The following GTPBP4 variants were observed in gnomAD, a reference collection of about 807,000 sequenced individuals.
GTPBP4 encodes the protein GTP binding protein 4.
A neutral mutation model predicts 81.7 loss-of-function variants in GTPBP4; 15 were observed. The ratio of observed to expected loss-of-function variants is 0.18; its 90% CI spans 0.12 to 0.28. The LOEUF (loss-of-function observed/expected upper bound fraction) is 0.28. GTPBP4 is among the 10% of genes least tolerant of loss of function. The pLI, the probability that GTPBP4 is intolerant of heterozygous loss-of-function variation, is 1.00. For missense variants in GTPBP4, 847 were observed against 793.8 expected (o/e 1.07, Z -0.81); for synonymous variants, 272 against 274.6 (o/e 0.99, Z 0.09).
In GTPBP4 at chr10:1,019,827, G is replaced by T; in HGVS notation, c.*2600G>T. 1 of 1,611,306 alleles carries T rather than the reference G, an allele frequency of 6.2e-7. No individual in the cohort carries two copies. Among genetic ancestry groups the T allele is most frequent in the Non-Finnish European group, 8.5e-7 (1 of 1,177,502 alleles). ...GATTGTCATGAACACAATGTCCTCT[G>T]GAGAAATCTATTGACAGAAATTGGT... is the stretch of plus-strand genomic sequence containing the variant. On this transcript the variant is annotated 3_prime_UTR_variant, in exon 17 of 17. Transcript: ENST00000360803.
intron 4 of GTPBP4, chr10:996,941 C>T (rs1431015209): frequency 1.4e-5 from 6 of 429,018 alleles, no homozygotes; most frequent in Non-Finnish European, 2.5e-5. Flanking sequence ...GCTGTTGGCC[C>T]CACCTGTCAC....
At position 997,058 on chromosome 10, in the gene GTPBP4, T is replaced by G. The variant is rs888961370; in HGVS notation, c.461-150T>G. 6.0e-6 allele frequency: 4 copies of G among 661,226 alleles called. No individual in the cohort carries two copies. The Admixed American group carries it at 1.0e-4, about 17-fold the overall frequency. The allele number at this position is 661,226 out of a possible 1,614,324, so 41.0% of individuals were successfully genotyped here. On this transcript the variant is annotated intron_variant, in intron 4 of 16. Coordinates refer to ENST00000360803, the MANE Select transcript of GTPBP4 (RefSeq NM_012341.3). ...ATACTATGTGTATACTATTACTTTCTGCAACTATTTTCTCCATCACTTTTG... is the reference window on the plus strand; with the variant it reads ...ATACTATGTGTATACTATTACTTTCGGCAACTATTTTCTCCATCACTTTTG...
chr10:993,624 G>C (rs936863361), intron 2 of GTPBP4, among the ~76,000 whole-genome samples: 1 of 152,128 alleles, frequency 6.6e-6, no homozygotes, highest in African/African-American at 2.4e-5. Context: ...CACCATGTGT[G>C]GGGTAATGTG....
At chr10:988,558 T>G in intron 1 of GTPBP4, 31 bp downstream of exon 1, 1 of 1,568,734 alleles carries the variant, frequency 6.4e-7, no homozygotes, top group Admixed American at 1.7e-5. Context: ...CACTGCAACT[T>G]TCGCGTTCTC....
At chr10:1,015,553 C>A in intron 15 of GTPBP4, among the ~76,000 whole-genome samples, 200 bp from the exon 16 acceptor site, 1 of 128,564 alleles carries the variant, frequency 7.8e-6, no homozygotes, top group Admixed American at 7.6e-5. Flanking sequence ...AGCGCTGAGC[C>A]TGGGAGCGGG....
intron 15 of GTPBP4, among the ~76,000 whole-genome samples, 168 bp downstream of exon 15, chr10:1,014,480 C>A (rs1831940374): frequency 1.3e-5 from 2 of 151,244 alleles, no homozygotes; most frequent in Admixed American, 1.3e-4. Flanking sequence ...CATGGTGAAA[C>A]CCAGTCTGTA....
At chr10:1,015,951 A>T in intron 16 of GTPBP4, 55 bp downstream of exon 16, 2 of 1,500,196 alleles carry the variant, frequency 1.3e-6, no homozygotes. Context: ...TGTTTATTGC[A>T]CAGGGTTCAG....
chr10:1,019,508 C>T lies in GTPBP4; in HGVS notation c.*2281C>T. The T allele has an allele frequency of 6.2e-7, 1 of 1,605,998 alleles. No homozygotes were observed. Among genetic ancestry groups the T allele is most frequent in the Non-Finnish European group, 8.5e-7 (1 of 1,174,326 alleles). On this transcript the variant is annotated 3_prime_UTR_variant, in exon 17 of 17. Transcript: ENST00000360803. ...GCATTACACATGGCTGACTCGACCT[C>T]CCTGCCTCTCACACTCTGTGTATTT... is the stretch of plus-strand genomic sequence containing the variant.
chr10:995,732 C>T (rs1413106186), intron 2 of GTPBP4, among the ~76,000 whole-genome samples, 197 bp from the exon 3 acceptor site: 2 of 152,050 alleles, frequency 1.3e-5, no homozygotes, highest in Non-Finnish European at 2.9e-5. Flanking sequence ...GGGTGGGAGC[C>T]GTGACTGTCG....
intron 6 of GTPBP4, among the ~76,000 whole-genome samples, chr10:1,000,298 C>T (rs1379783842): frequency 7.7e-6 from 1 of 129,154 alleles, no homozygotes. Flanking sequence ...AGTGCAGTGT[C>T]GCTATCTTGG....
At chr10:1,011,725 G>A (rs1289294360) in intron 13 of GTPBP4, among the ~76,000 whole-genome samples, 3 of 152,234 alleles carry the variant, frequency 2.0e-5, no homozygotes, top group Non-Finnish European at 4.4e-5. Context: ...TTTCGTTGGT[G>A]CTGGAGGAGT....
rs1232695478 is a variant in GTPBP4 at position 1,019,797 on chromosome 10, TGATA to T, written c.*2574_*2577del. The T allele has an allele frequency of 6.2e-7, 1 of 1,613,934 alleles. No homozygotes were observed. The highest frequency in any genetic ancestry group is 8.5e-7 in the Non-Finnish European group (1 of 1,179,962). On this transcript the variant is annotated 3_prime_UTR_variant, in exon 17 of 17. Coordinates refer to ENST00000360803, the MANE Select transcript of GTPBP4 (RefSeq NM_012341.3). Reference sequence around the variant, plus strand: ...AATTCTGTCTGATTTTGCCTTGTGGTGATAGATTGTCATGAACACAATGTCCTCT... The same window carrying T: ...AATTCTGTCTGATTTTGCCTTGTGGTGATTGTCATGAACACAATGTCCTCT...
At chr10:1,006,913 A>T (rs970985438) in intron 9 of GTPBP4, 105 bp from the exon 10 acceptor site, 1 of 723,756 alleles carries the variant, frequency 1.4e-6, no homozygotes, top group Non-Finnish European at 2.5e-6. Context: ...AGTTACCTTG[A>T]GGGAAAAGGC....
chr10:1,010,993 A>ACCACCTTCCCCCCCACCCTGTGTCT (rs1831853322), intron 13 of GTPBP4, among the ~76,000 whole-genome samples: 1 of 138,578 alleles, frequency 7.2e-6, no homozygotes, highest in Non-Finnish European at 1.6e-5. Context: ...TGCCTCCTGC[A>ACCACCTTCCCCCCCACCCTGTGTCT]CCACCTTCCC....
intron 12 of GTPBP4, among the ~76,000 whole-genome samples, 167 bp downstream of exon 12, chr10:1,009,747 C>T (rs1259544577): frequency 6.6e-6 from 1 of 152,210 alleles, no homozygotes; most frequent in Non-Finnish European, 1.5e-5. Context: ...TGCAGTGGCT[C>T]ACGCCTGTAA....
In GTPBP4 at chr10:1,004,469, C is replaced by G. The variant is rs577312653; in HGVS notation, c.913-1349C>G. Among the ~76,000 whole-genome samples, 3 of 152,208 alleles carry G rather than the reference C, an allele frequency of 2.0e-5. No homozygotes were observed. The South Asian group carries it at 6.2e-4, about 32-fold the overall frequency. On this transcript the variant is annotated intron_variant, in intron 8 of 16. Transcript: ENST00000360803. ...GTGTGGAGTACAATGTCAGCTCCTCCCCATGGTATGTGGCTGGTCAGCCTG... is the reference window on the plus strand; with the variant it reads ...GTGTGGAGTACAATGTCAGCTCCTCGCCATGGTATGTGGCTGGTCAGCCTG...
intron 12 of GTPBP4, among the ~76,000 whole-genome samples, 170 bp downstream of exon 12, chr10:1,009,750 G>A (rs1485438983): frequency 6.6e-6 from 1 of 152,188 alleles, no homozygotes; most frequent in Non-Finnish European, 1.5e-5. Context: ...AGTGGCTCAC[G>A]CCTGTAATCA....
chr10:1,016,174 C>T (rs1831989357), intron 16 of GTPBP4, among the ~76,000 whole-genome samples: 1 of 151,800 alleles, frequency 6.6e-6, no homozygotes, highest in Non-Finnish European at 1.5e-5. Context: ...TGGGCTTAGA[C>T]CCTGCTGTCT....
intron 14 of GTPBP4, among the ~76,000 whole-genome samples, chr10:1,013,911 G>A (rs904368963): frequency 2.0e-5 from 3 of 152,198 alleles, no homozygotes; most frequent in Admixed American, 6.5e-5. Flanking sequence ...AGAGGTTGGC[G>A]CACTGCCTTT....
Sources: allele counts gnomAD v4.1 joint callset (sites outside exome capture counted in the v4.1 genomes callset), GRCh38; gene constraint gnomAD v4.1.1; transcripts MANE v1.5; gene names NCBI Gene and HGNC (gene_info 2026-07-23, HGNC 2026-07-21).